The following CNOT2 variants were observed in gnomAD, a reference collection of about 807,000 sequenced individuals.
CNOT2 encodes CCR4-NOT transcription complex subunit 2.
CNOT2 carries 7 observed loss-of-function variants against 72.1 expected under a neutral mutation model. The ratio of observed to expected loss-of-function variants is 0.10; its 90% CI spans 0.06 to 0.18. The LOEUF (loss-of-function observed/expected upper bound fraction) is 0.18, where lower values mean the gene tolerates loss of function less well. Ranked by LOEUF, CNOT2 falls within the 10% of genes least tolerant of loss-of-function variation. The pLI, the probability that CNOT2 is intolerant of heterozygous loss-of-function variation, is 1.00. For synonymous variants in CNOT2, 196 were observed against 225.6 expected (o/e 0.87, Z 1.17); for missense variants, 345 against 660.3 (o/e 0.52, Z 5.23).
intron 1 of CNOT2, among the ~76,000 whole-genome samples, chr12:70,252,095 TG>T (rs765921186): frequency 2.7e-4 from 41 of 152,330 alleles, no homozygotes; most frequent in Non-Finnish European, 5.4e-4. Flanking sequence ...ATCTGTTAAT[TG>T]ACATGCAGAA....
chr12:70,335,600 T>G lies in CNOT2; in HGVS notation c.775+37T>G, dbSNP rs1239811864. 7.8e-6 allele frequency: 12 copies of G among 1,544,710 alleles called. No individual in the cohort carries two copies. In the Admixed American group the frequency reaches 1.0e-4, roughly 13 times the overall value. On this transcript the variant is annotated intron_variant, in intron 8 of 15. Transcript: ENST00000229195. ...TTTTAATGATGGCCAGTAGAAAGTT[T>G]CCATTGTATGTGCACACACATATAC...
chr12:70,296,778 G>T (rs1872880861), intron 2 of CNOT2, among the ~76,000 whole-genome samples: 1 of 143,420 alleles, frequency 7.0e-6, no homozygotes. Flanking sequence ...TTTTTAAATT[G>T]TTTTTCAAGA....
At chr12:70,332,663 ATATTGT>A (rs1235294966) in intron 6 of CNOT2, 98 bp from the exon 7 acceptor site, 2 of 1,351,182 alleles carry the variant, frequency 1.5e-6, no homozygotes, top group African/African-American at 1.5e-5. Context: ...GTTTTGAAAC[ATATTGT>A]TATTTTATAT....
intron 1 of CNOT2, among the ~76,000 whole-genome samples, chr12:70,248,168 T>TACCCATG (rs760024783): frequency 1.2e-4 from 19 of 152,332 alleles, no homozygotes; most frequent in Non-Finnish European, 2.8e-4. Flanking sequence ...TACCAGTACT[T>TACCCATG]ACCCATGAGC....
chr12:70,278,734 C>T (rs1405709382), intron 2 of CNOT2, among the ~76,000 whole-genome samples: 1 of 152,162 alleles, frequency 6.6e-6, no homozygotes, highest in Non-Finnish European at 1.5e-5. Context: ...TGCTTAGAGA[C>T]CCAAATTCTA....
Position 70,330,394 on chromosome 12 carries a change from G to T in CNOT2, c.494G>T (p.Ser165Ile). Residue 165 changes from serine (S) to isoleucine (I), a missense_variant, in exon 6 of 16, where the codon AGC (serine) becomes ATC (isoleucine). Around this residue, in one of 4 missense-constraint regions of CNOT2, gnomAD observed 157 missense variants for 235.3 expected, o/e 0.67. Transcript: ENST00000229195. Reference protein sequence around the residue: ...TNSMSSSGLGSPNRSSPSIIC... With the variant: ...TNSMSSSGLGIPNRSSPSIIC... The stretch of plus-strand genomic sequence containing the variant: ...AGCATGAGCAGTTCAGGGTTAGGTA[G>T]CCCCAACAGAAGCTCGCCAAGCATA... 1 of 1,612,398 alleles carries T rather than the reference G, an allele frequency of 6.2e-7. No individual in the cohort carries two copies. Among genetic ancestry groups the T allele is most frequent in the Non-Finnish European group, 8.5e-7 (1 of 1,178,854 alleles).
At position 70,273,134 on chromosome 12, in the gene CNOT2, AC is replaced by A. The variant is rs1868305470; in HGVS notation, c.-95-4996del. Among the ~76,000 whole-genome samples the A allele has an allele frequency of 3.3e-5, 5 of 152,008 alleles. No individual in the cohort carries two copies. The South Asian group carries it at 1.0e-3, about 32-fold the overall frequency. On this transcript the variant is annotated intron_variant, in intron 1 of 15. Transcript: ENST00000229195. Reference sequence around the variant, plus strand: ...TCAACGCTAAATTTTTTCAGCTATTACCATTTTTCACTTTTATGGCAAAACT... The same window carrying A: ...TCAACGCTAAATTTTTTCAGCTATTACATTTTTCACTTTTATGGCAAAACT...
At chr12:70,258,774 C>T (rs1006789924) in intron 1 of CNOT2, among the ~76,000 whole-genome samples, 6 of 152,168 alleles carry the variant, frequency 3.9e-5, no homozygotes, top group Non-Finnish European at 2.9e-5. Context: ...CCCCTCAAGG[C>T]GTGAGCCTGT....
chr12:70,338,855 TA>T, intron 11 of CNOT2, 33 bp downstream of exon 11: 1 of 1,566,894 alleles, frequency 6.4e-7, no homozygotes. Flanking sequence ...TGTCTGTATA[TA>T]ATACCTCTTC....
intron 1 of CNOT2, among the ~76,000 whole-genome samples, chr12:70,267,696 A>T (rs1959118905): frequency 6.6e-6 from 1 of 152,220 alleles, no homozygotes; most frequent in African/African-American, 2.4e-5. Flanking sequence ...ACATTTGTAT[A>T]CTTCAGATAC....
intron 2 of CNOT2, among the ~76,000 whole-genome samples, chr12:70,283,324 G>C (rs1438725714): frequency 6.6e-6 from 1 of 152,018 alleles, no homozygotes; most frequent in Non-Finnish European, 1.5e-5. Flanking sequence ...GCTGAGTGTA[G>C]TGCTGTGCAC....
intron 2 of CNOT2, among the ~76,000 whole-genome samples, chr12:70,290,979 A>G (rs939115985): frequency 6.6e-6 from 1 of 152,166 alleles, no homozygotes; most frequent in Non-Finnish European, 1.5e-5. Context: ...ATTTCAGACC[A>G]TTTCTCAGCA....
chr12:70,354,043 A>T lies in CNOT2; in HGVS notation c.*128A>T. The T allele has an allele frequency of 7.0e-7, 1 of 1,419,814 alleles. No individual in the cohort carries two copies. Among genetic ancestry groups the T allele is most frequent in the South Asian group, 1.7e-5 (1 of 60,198 alleles). The allele number at this position is 1,419,814 out of a possible 1,614,324, so 88.0% of individuals were successfully genotyped here. ...GGTTTTAATTCCTTGAGGATCTGGC[A>T]ATTGGCTTACGCAAAAGGTCACCAT... On this transcript the variant is annotated 3_prime_UTR_variant, in exon 16 of 16. Transcript: ENST00000229195.
At chr12:70,320,911 A>T (rs1379746918) in intron 4 of CNOT2, among the ~76,000 whole-genome samples, 1 of 151,848 alleles carries the variant, frequency 6.6e-6, no homozygotes, top group East Asian at 1.9e-4. Context: ...CTGAAATTCT[A>T]ACTGGGCTAA....
At chr12:70,353,594 C>G (rs1419597761) in intron 15 of CNOT2, among the ~76,000 whole-genome samples, 1 of 151,898 alleles carries the variant, frequency 6.6e-6, no homozygotes, top group Non-Finnish European at 1.5e-5. Context: ...CATTAGTAGT[C>G]TCTTGACTTA....
intron 5 of CNOT2, 163 bp downstream of exon 5, chr12:70,329,733 G>C: frequency 1.6e-6 from 1 of 609,006 alleles, no homozygotes; most frequent in South Asian, 2.0e-5. Flanking sequence ...AAATTGTTAA[G>C]TACAGTACAA....
intron 1 of CNOT2, among the ~76,000 whole-genome samples, chr12:70,273,272 G>GT (rs1868312963): frequency 1.3e-5 from 2 of 152,024 alleles, no homozygotes; most frequent in Admixed American, 6.6e-5. Flanking sequence ...AGATTACCAA[G>GT]TAGGTGATCT....
At chr12:70,292,837 T>C (rs907857170) in intron 2 of CNOT2, among the ~76,000 whole-genome samples, 1 of 152,238 alleles carries the variant, frequency 6.6e-6, no homozygotes. Context: ...TCAGTGATTA[T>C]TGAATTAGTG....
intron 3 of CNOT2, among the ~76,000 whole-genome samples, chr12:70,316,387 G>A (rs1288187699): frequency 6.6e-6 from 1 of 152,026 alleles, no homozygotes; most frequent in African/African-American, 2.4e-5. Context: ...AAGCATTTCT[G>A]TGACATTCAC....
Sources: allele counts gnomAD v4.1 joint callset (sites outside exome capture counted in the v4.1 genomes callset), GRCh38; gene constraint gnomAD v4.1.1; regional missense constraint gnomAD v4.1.1; transcripts MANE v1.5; gene names NCBI Gene and HGNC (gene_info 2026-07-23, HGNC 2026-07-21).